PADI2: variants seen among roughly 807,000 people sequenced by gnomAD.
PADI2 encodes protein-arginine deiminase type-2.
A neutral mutation model predicts 81.1 loss-of-function variants in PADI2; 70 were observed. That is an observed-to-expected ratio of 0.86 (90% CI 0.71 to 1.05). PADI2 has a LOEUF of 1.05. Ranked by LOEUF, PADI2 falls within the 50% of genes least tolerant of loss-of-function variation. The pLI is 0.00. For synonymous variants in PADI2, 338 were observed against 358.0 expected (o/e 0.94, Z 0.63); for missense variants, 853 against 889.9 (o/e 0.96, Z 0.53).
chr1:17,082,738 C>A, intron 9 of PADI2, 86 bp from the exon 10 acceptor site: 1 of 788,322 alleles, frequency 1.3e-6, no homozygotes, highest in Non-Finnish European at 2.1e-6. Context: ...CACAAGAGCA[C>A]AAAGGAAGAA....
At position 17,086,793 on chromosome 1, in the gene PADI2, T is replaced by C. The variant is rs1930480893; in HGVS notation, c.656-94A>G. 3.9e-6 allele frequency: 4 copies of C among 1,033,800 alleles called. No homozygotes were observed. In the South Asian group the frequency reaches 5.9e-5, roughly 15 times the overall value. 64.0% of individuals were successfully genotyped at this position (1,033,800 alleles called of 1,614,324 possible). A position where few individuals can be genotyped will look rare whatever the true frequency, so the allele number is the denominator to read the frequency against. ...GATGGGGACAAAAGGGCAAAGTAAC[T>C]TGTCCTCTAGACAGAGAGAAAAGCA... On this transcript the variant is annotated intron_variant, in intron 6 of 15. Coordinates refer to ENST00000375486, the MANE Select transcript of PADI2 (RefSeq NM_007365.3).
chr1:17,084,195 C>T (rs1295959720), intron 8 of PADI2, among the ~76,000 whole-genome samples: 3 of 152,204 alleles, frequency 2.0e-5, no homozygotes, highest in Non-Finnish European at 4.4e-5. Flanking sequence ...TGCTAGCCAT[C>T]TAATCACAGG....
chr1:17,093,501 C>T, intron 5 of PADI2, 66 bp downstream of exon 5: 1 of 1,089,400 alleles, frequency 9.2e-7, no homozygotes, highest in Non-Finnish European at 1.4e-6. Context: ...TCAGCCCAGC[C>T]CAGGACTGGG....
chr1:17,071,227 C>T (rs76664235), intron 14 of PADI2, among the ~76,000 whole-genome samples, 179 bp downstream of exon 14: 274 of 152,270 alleles, frequency 1.8e-3, no homozygotes, highest in African/African-American at 6.4e-3. Flanking sequence ...GACTTTAGCC[C>T]AGGAGCAAAG....
rs1422430916 is a variant in PADI2, at chr1:17,119,244, A to C, written c.92+36T>G. Reference sequence around the variant, plus strand: ...GCGCGTCTCAGGATTTCTGGGCTCGAGATCTCGGCCCGGGCATCACGGTGG... The same window carrying C: ...GCGCGTCTCAGGATTTCTGGGCTCGCGATCTCGGCCCGGGCATCACGGTGG... On this transcript the variant is annotated intron_variant, in intron 1 of 15. Coordinates refer to ENST00000375486, the MANE Select transcript of PADI2 (RefSeq NM_007365.3). The surrounding 1 kb of genome is among the most constrained non-coding windows in gnomAD (Gnocchi z 4.8). 5.7e-6 allele frequency: 8 copies of C among 1,413,420 alleles called. No individual in the cohort carries two copies. The highest frequency in any genetic ancestry group is 7.7e-6 in the Non-Finnish European group (8 of 1,043,218). 87.6% of individuals were successfully genotyped at this position (1,413,420 alleles called of 1,614,324 possible).
At chr1:17,075,629 T>C in intron 12 of PADI2, 50 bp downstream of exon 12, 1 of 1,533,092 alleles carries the variant, frequency 6.5e-7, no homozygotes, top group Non-Finnish European at 8.9e-7. Context: ...GCGGGTAATA[T>C]ATTGGTTTGC....
In PADI2 at chr1:17,107,949, C is replaced by CT. The variant is rs565293543; in HGVS notation, c.93-2889dup. 3.6e-3 allele frequency among the ~76,000 whole-genome samples: 506 copies of CT among 140,136 alleles called. 3 individuals are homozygous for CT. Among genetic ancestry groups the CT allele is most frequent in the African/African-American group, 4.6e-3 (177 of 38,478 alleles). 91.9% of individuals were successfully genotyped at this position (140,136 alleles called of 152,430 possible). ...TGCTGTCCCCTCTCCGCATCCATCA[C>CT]TTTTTTTTTTTTTTTTTGAGGAGGA... On this transcript the variant is annotated intron_variant, in intron 1 of 15. Transcript: ENST00000375486.
chr1:17,106,155 T>G (rs908259854), intron 1 of PADI2, among the ~76,000 whole-genome samples: 1 of 152,156 alleles, frequency 6.6e-6, no homozygotes, highest in Non-Finnish European at 1.5e-5. Flanking sequence ...CACAGCTTTC[T>G]TGCCACCTGA....
chr1:17,105,006 C>G lies in PADI2; in HGVS notation c.148G>C (p.Val50Leu), dbSNP rs956557796. 1 of 1,603,572 alleles carries G rather than the reference C, an allele frequency of 6.2e-7. No homozygotes were observed. The highest frequency in any genetic ancestry group is 1.4e-5 in the African/African-American group (1 of 73,978). ...GCCTCCCCATCACGCACCACCTCCA[C>G]CCACACGTGTTCCGAGTGCTTCAGG... ...FSLKHSEHVWVEVVRDGEAEE... is the reference protein window; with the variant it reads ...FSLKHSEHVWLEVVRDGEAEE... Residue 50 changes from valine (V) to leucine (L), a missense_variant, in exon 2 of 16, where the codon GTG (valine) becomes CTG (leucine). Coordinates refer to ENST00000375486, the MANE Select transcript of PADI2 (RefSeq NM_007365.3).
In PADI2 at chr1:17,086,680, G is replaced by A; in HGVS notation, c.675C>T (p.Arg225=). The A allele has an allele frequency of 6.2e-7, 1 of 1,614,024 alleles. No homozygotes were observed. Among genetic ancestry groups the A allele is most frequent in the African/African-American group, 1.3e-5 (1 of 75,058 alleles). ...FYVENPFFGQ[R]YIHILGRRKL... ...TCCGCCGGCCCAGGATGTGGATATA[G>A]CGTTGGCCGAAGAACGGGTCTGGAG... is the stretch of plus-strand genomic sequence containing the variant. Residue 225 remains arginine (R), a synonymous_variant, in exon 7 of 16, where the codon CGC becomes CGT. Coordinates refer to ENST00000375486, the MANE Select transcript of PADI2 (RefSeq NM_007365.3).
intron 2 of PADI2, among the ~76,000 whole-genome samples, chr1:17,103,865 T>C (rs1242003249): frequency 6.9e-6 from 1 of 145,118 alleles, no homozygotes; most frequent in Admixed American, 6.9e-5. Flanking sequence ...GTGCCTGGAG[T>C]CCCAGCTACT....
chr1:17,101,095 C>T (rs781295757), intron 3 of PADI2, among the ~76,000 whole-genome samples: 4 of 152,002 alleles, frequency 2.6e-5, no homozygotes, highest in Non-Finnish European at 5.9e-5. Flanking sequence ...GAACTTGTGG[C>T]AGTTAAATAA....
At chr1:17,105,386 T>A (rs1221060315) in intron 1 of PADI2, among the ~76,000 whole-genome samples, 4 of 151,560 alleles carry the variant, frequency 2.6e-5, no homozygotes, top group Admixed American at 2.6e-4. Flanking sequence ...CAAGACCCTG[T>A]CTCTTCTTTT....
chr1:17,084,818 A>G (rs2101585687), intron 7 of PADI2, 116 bp from the exon 8 acceptor site: 1 of 655,672 alleles, frequency 1.5e-6, no homozygotes, highest in Non-Finnish European at 2.7e-6. Context: ...AGGACTTGCT[A>G]TGCACCAAGC....
chr1:17,113,004 G>A (rs1328882681), intron 1 of PADI2, among the ~76,000 whole-genome samples: 1 of 152,040 alleles, frequency 6.6e-6, no homozygotes, highest in East Asian at 1.9e-4. Flanking sequence ...GTCTCACTCT[G>A]AACCCCAGTC....
At chr1:17,072,204 C>T (rs879303308) in intron 13 of PADI2, among the ~76,000 whole-genome samples, 3 of 152,196 alleles carry the variant, frequency 2.0e-5, no homozygotes, top group African/African-American at 7.2e-5. Context: ...AGAGCCTATG[C>T]TCTTAACCTA....
intron 1 of PADI2, among the ~76,000 whole-genome samples, chr1:17,112,302 G>A (rs58013476): frequency 0.06 from 9,157 of 152,140 alleles, 922 homozygotes; most frequent in African/African-American, 0.21. Context: ...GTCTTGGCTC[G>A]GTCAGTGGGG....
chr1:17,102,754 G>GGC (rs1553183550), intron 3 of PADI2, among the ~76,000 whole-genome samples: 3 of 151,260 alleles, frequency 2.0e-5, no homozygotes, highest in East Asian at 2.0e-4. Flanking sequence ...TGACACTTGG[G>GGC]GGGGGGTTGC....
chr1:17,097,318 T>G (rs1930971746), intron 3 of PADI2, among the ~76,000 whole-genome samples: 1 of 151,940 alleles, frequency 6.6e-6, no homozygotes, highest in Non-Finnish European at 1.5e-5. Context: ...AAGCCCAGAG[T>G]CCAGAGATCA....
Sources: gnomAD v4.1 joint callset for allele counts (sites outside exome capture counted in the v4.1 genomes callset) on GRCh38, gnomAD v4.1.1 for gene constraint, Gnocchi (gnomAD v3.1) non-coding constraint, MANE v1.5 for transcripts, NCBI Gene and HGNC (gene_info 2026-07-23, HGNC 2026-07-21) for gene names.